The following PIAS4 variants were observed in gnomAD, a reference collection of about 807,000 sequenced individuals.
PIAS4 encodes E3 SUMO-protein ligase PIAS4.
A neutral mutation model predicts 58.0 loss-of-function variants in PIAS4; 7 were observed. That is an observed-to-expected ratio of 0.12 (90% CI 0.07 to 0.23). The LOEUF (loss-of-function observed/expected upper bound fraction) is 0.23. Among genes scored for constraint, PIAS4 ranks in the 10% least tolerant of loss-of-function variants. PIAS4 has a pLI of 1.00. For synonymous variants in PIAS4, 364 were observed against 312.4 expected (o/e 1.17, Z -1.74); for missense variants, 550 against 709.5 (o/e 0.78, Z 2.55).
At chr19:4,023,778 A>G (rs1341066695) in intron 2 of PIAS4, among the ~76,000 whole-genome samples, 2 of 152,198 alleles carry the variant, frequency 1.3e-5, no homozygotes, top group East Asian at 3.9e-4. Flanking sequence ...TGCATCCCAC[A>G]GGCTGCGAAG....
intron 7 of PIAS4, among the ~76,000 whole-genome samples, chr19:4,032,119 C>T (rs1378371526): frequency 6.6e-6 from 1 of 152,128 alleles, no homozygotes; most frequent in Non-Finnish European, 1.5e-5. Flanking sequence ...GAAGTGGCTC[C>T]CAAGCGGGCA....
chr19:4,029,265 C>T (rs1394440013), intron 7 of PIAS4, among the ~76,000 whole-genome samples: 2 of 152,148 alleles, frequency 1.3e-5, no homozygotes, highest in Non-Finnish European at 2.9e-5. Flanking sequence ...TGTGGGGTCA[C>T]ACCTCGTGTT....
intron 9 of PIAS4, among the ~76,000 whole-genome samples, chr19:4,035,165 G>A (rs962232678): frequency 2.6e-5 from 4 of 152,280 alleles, no homozygotes; most frequent in African/African-American, 9.6e-5. Context: ...TCGGCGGGGC[G>A]GAGGGGCTGG....
rs1285878659 is a variant in PIAS4 at position 4,007,926 on chromosome 19, C to G, written c.27+139C>G. The G allele has an allele frequency of 1.5e-5, 8 of 537,410 alleles. No individual in the cohort carries two copies. In the Admixed American group the frequency reaches 1.9e-4, roughly 13 times the overall value. The allele number at this position is 537,410 out of a possible 1,614,324, so 33.3% of individuals were successfully genotyped here. ...GCTCGCCGTCCCGGCCCCCAGACCC[C>G]GACCCCCGGTCTCAGGGTGAGGGCG... is the stretch of plus-strand genomic sequence containing the variant. On this transcript the variant is annotated intron_variant, in intron 1 of 10. Transcript: ENST00000262971.
In PIAS4 at chr19:4,013,116, C is replaced by G; in HGVS notation, c.221C>G (p.Ala74Gly). The G allele has an allele frequency of 6.2e-7, 1 of 1,613,402 alleles. No homozygotes were observed. The highest frequency in any genetic ancestry group is 8.5e-7 in the Non-Finnish European group (1 of 1,179,986). ...TRYAKKNSEPAPQPHRPLDPL... is the reference protein window; with the variant it reads ...TRYAKKNSEPGPQPHRPLDPL... ...TACGCCAAGAAGAACTCGGAGCCTGCCCCACAGCCGCACCGGCCCCTGGAC... is the reference window on the plus strand; with the variant it reads ...TACGCCAAGAAGAACTCGGAGCCTGGCCCACAGCCGCACCGGCCCCTGGAC... Residue 74 changes from alanine to glycine, a missense_variant, in exon 2 of 11, where the codon GCC (alanine) becomes GGC (glycine). Ala to Gly is a moderately conservative substitution (Grantham distance 60). Transcript: ENST00000262971. The surrounding 1 kb of genome is among the most constrained non-coding windows in gnomAD (Gnocchi z 5.1).
At chr19:4,028,443 C>A in intron 4 of PIAS4, 67 bp from the exon 5 acceptor site, 1 of 1,177,402 alleles carries the variant, frequency 8.5e-7, no homozygotes, top group Non-Finnish European at 1.2e-6. Flanking sequence ...CACTCGTGTA[C>A]CCCCGCAGCA....
intron 2 of PIAS4, among the ~76,000 whole-genome samples, chr19:4,020,794 T>TA (rs1214180827): frequency 6.6e-6 from 1 of 150,598 alleles, no homozygotes; most frequent in East Asian, 1.9e-4. Flanking sequence ...AGAGACAAGG[T>TA]CTCACTGTGT....
intron 1 of PIAS4, among the ~76,000 whole-genome samples, chr19:4,010,882 G>A (rs760115303): frequency 2.0e-5 from 3 of 152,236 alleles, no homozygotes; most frequent in Non-Finnish European, 4.4e-5. Context: ...GGCTCTTTGG[G>A]CAGGGCTGGG....
intron 1 of PIAS4, among the ~76,000 whole-genome samples, chr19:4,011,206 C>T (rs963243396): frequency 6.6e-6 from 1 of 152,236 alleles, no homozygotes; most frequent in African/African-American, 2.4e-5. Context: ...TCTTCGGGTA[C>T]CCGCCAGCTT....
In PIAS4 at chr19:4,029,005, G is replaced by C. The variant is rs766386357; in HGVS notation, c.876G>C (p.Gly292=). Reference sequence around the variant, plus strand: ...TGCTGCAGAGGCTGAAGACCATTGGGGTAAAGCACCCGGAGCTGTGCAAGG... The same window carrying C: ...TGCTGCAGAGGCTGAAGACCATTGGCGTAAAGCACCCGGAGCTGTGCAAGG... ...SELLQRLKTI[G]VKHPELCKAL... is the part of the protein sequence containing the mutation. The change falls in exon 7 of 11, where the codon GGG becomes GGC. Residue 292 remains glycine, a synonymous_variant. Coordinates refer to ENST00000262971, the MANE Select transcript of PIAS4 (RefSeq NM_015897.4). 6.2e-7 allele frequency: 1 copy of C among 1,609,218 alleles called. No homozygotes were observed. Among genetic ancestry groups the C allele is most frequent in the African/African-American group, 1.3e-5 (1 of 74,968 alleles).
chr19:4,015,500 C>G (rs1000535049), intron 2 of PIAS4, among the ~76,000 whole-genome samples: 1 of 152,230 alleles, frequency 6.6e-6, no homozygotes, highest in Non-Finnish European at 1.5e-5. Flanking sequence ...CTCTCCATCT[C>G]AGGCCGCCAG....
Position 4,039,272 on chromosome 19 carries a change from C to T in PIAS4, c.*1397C>T, listed in dbSNP as rs747267294. 2.0e-5 allele frequency: 3 copies of T among 152,280 alleles called. No individual in the cohort carries two copies. Among genetic ancestry groups the T allele is most frequent in the Admixed American group, 1.3e-4 (2 of 15,288 alleles). The allele number at this position is 152,280 out of a possible 1,614,324, so 9.4% of individuals were successfully genotyped here. A position where few individuals can be genotyped will look rare whatever the true frequency, so the allele number is the denominator to read the frequency against. On this transcript the variant is annotated 3_prime_UTR_variant, in exon 11 of 11. Transcript: ENST00000262971. ...TCACTGCAGAGCCCGCAGCCCGCTG[C>T]GCAGCTCGGCCCCTCCCGCCCGCAC...
intron 9 of PIAS4, among the ~76,000 whole-genome samples, chr19:4,034,329 C>T (rs1014688457): frequency 1.3e-5 from 2 of 152,156 alleles, no homozygotes; most frequent in South Asian, 2.1e-4. Context: ...CAGGTGAAGG[C>T]AGGGCTGGCC....
At chr19:4,012,804 G>A in intron 1 of PIAS4, 119 bp from the exon 2 acceptor site, 1 of 1,151,578 alleles carries the variant, frequency 8.7e-7, no homozygotes, top group Non-Finnish European at 1.2e-6. Flanking sequence ...CCCAGCCAAG[G>A]CTGGCGCTTC....
intron 2 of PIAS4, among the ~76,000 whole-genome samples, chr19:4,020,123 A>AGCCAGGAT: frequency 6.6e-6 from 1 of 152,090 alleles, no homozygotes; most frequent in South Asian, 2.1e-4. Flanking sequence ...TCACCATGTT[A>AGCCAGGAT]GCCAGGATGG....
chr19:4,036,824 C>CCACACCGT, intron 9 of PIAS4, among the ~76,000 whole-genome samples: 1 of 139,884 alleles, frequency 7.1e-6, no homozygotes, highest in East Asian at 2.0e-4. Context: ...TCTGTACAGT[C>CCACACCGT]CACACCGTCA....
chr19:4,024,110 C>T lies in PIAS4; in HGVS notation c.529C>T (p.Arg177Trp). 4 of 1,611,756 alleles carry T rather than the reference C, an allele frequency of 2.5e-6. No homozygotes were observed. Among genetic ancestry groups the T allele is most frequent in the Non-Finnish European group, 3.4e-6 (4 of 1,177,882 alleles). The change falls in exon 3 of 11, where the codon CGG (arginine) becomes TGG (tryptophan). Residue 177 changes from arginine to tryptophan, a missense_variant. By Grantham distance (101) the Arg-to-Trp change is moderately radical. Around this residue, in one of 4 missense-constraint regions of PIAS4, gnomAD observed 225 missense variants for 345.8 expected, o/e 0.65. Transcript: ENST00000262971. ...ALTPRQVELIRNSRELQPGVK... is the reference protein window; with the variant it reads ...ALTPRQVELIWNSRELQPGVK... ...GACGCCAAGACAGGTGGAGTTGATC[C>T]GGAACTCCAGGTGTGCGGCACCTCC... is the stretch of plus-strand genomic sequence containing the variant.
intron 1 of PIAS4, among the ~76,000 whole-genome samples, chr19:4,008,334 C>T (rs1267416990): frequency 1.3e-5 from 2 of 152,236 alleles, no homozygotes; most frequent in East Asian, 2.0e-4. Context: ...AGTGTCCTGC[C>T]ACCGTCCAGG....
intron 1 of PIAS4, among the ~76,000 whole-genome samples, chr19:4,010,966 C>T (rs3760902): frequency 1.3e-5 from 2 of 152,380 alleles, no homozygotes; most frequent in East Asian, 3.9e-4. Context: ...TGGCCCGATA[C>T]AGCTGGAAGA....
Sources: allele counts gnomAD v4.1 joint callset (sites outside exome capture counted in the v4.1 genomes callset), GRCh38; gene constraint gnomAD v4.1.1; regional missense constraint gnomAD v4.1.1; non-coding constraint Gnocchi (gnomAD v3.1); transcripts MANE v1.5; gene names NCBI Gene and HGNC (gene_info 2026-07-23, HGNC 2026-07-21).